The following ARID4A variants were observed in gnomAD, a reference collection of about 807,000 sequenced individuals.
ARID4A encodes AT-rich interaction domain 4A, also known as AT-rich interactive domain-containing protein 4A.
A neutral mutation model predicts 148.6 loss-of-function variants in ARID4A; 39 were observed. The ratio of observed to expected loss-of-function variants is 0.26; its 90% CI spans 0.20 to 0.34. The LOEUF is 0.34. Among genes scored for constraint, ARID4A ranks in the 10% least tolerant of loss-of-function variants. The pLI, the probability that ARID4A is intolerant of heterozygous loss-of-function variation, is 1.00. For missense variants in ARID4A, 1,265 were observed against 1,449.1 expected (o/e 0.87, Z 2.06); for synonymous variants, 475 against 481.2 (o/e 0.99, Z 0.17).
chr14:58,309,478 T>G (rs1405024377), intron 5 of ARID4A, among the ~76,000 whole-genome samples: 1 of 152,212 alleles, frequency 6.6e-6, no homozygotes, highest in Non-Finnish European at 1.5e-5. Flanking sequence ...CAAAAGGTGT[T>G]AAAATTGGGA....
At chr14:58,325,830 A>G (rs894780043) in intron 8 of ARID4A, among the ~76,000 whole-genome samples, 4 of 152,088 alleles carry the variant, frequency 2.6e-5, no homozygotes, top group South Asian at 2.1e-4. Flanking sequence ...TGGATTCAGA[A>G]TATTCAGATT....
chr14:58,330,208 T>C (rs374428067), intron 11 of ARID4A, 39 bp downstream of exon 11: 10 of 1,591,618 alleles, frequency 6.3e-6, no homozygotes, highest in African/African-American at 1.4e-5. Context: ...AACATCTTAA[T>C]ACTCTCTAGT....
chr14:58,301,555 CA>C, intron 2 of ARID4A, 24 bp from the exon 3 acceptor site: 7 of 1,557,830 alleles, frequency 4.5e-6, no homozygotes, highest in Non-Finnish European at 6.2e-6. Context: ...TAATGACATT[CA>C]CAGTTTTATG....
At chr14:58,341,363 T>A (rs1360087257) in intron 11 of ARID4A, among the ~76,000 whole-genome samples, 2 of 152,266 alleles carry the variant, frequency 1.3e-5, no homozygotes, top group Admixed American at 6.5e-5. Context: ...TTTGTCAGTT[T>A]CATGCTTACG....
intron 5 of ARID4A, among the ~76,000 whole-genome samples, chr14:58,310,869 A>G (rs2031975666): frequency 6.6e-6 from 1 of 152,044 alleles, no homozygotes; most frequent in African/African-American, 2.4e-5. Flanking sequence ...ATATTTGCAA[A>G]CTCTGTATTT....
At chr14:58,331,312 A>G (rs2033505204) in intron 11 of ARID4A, 1 of 152,238 alleles carries the variant, frequency 6.6e-6, no homozygotes. Flanking sequence ...GATGCTTTGA[A>G]ATGGGCTGTC....
chr14:58,367,864 C>T (rs1217634186), intron 23 of ARID4A, among the ~76,000 whole-genome samples: 1 of 151,884 alleles, frequency 6.6e-6, no homozygotes, highest in Non-Finnish European at 1.5e-5. Flanking sequence ...CTGTAACTGT[C>T]CCAGCAGATG....
At chr14:58,305,087 G>C (rs898677078) in intron 4 of ARID4A, 78 bp downstream of exon 4, 3 of 1,208,922 alleles carry the variant, frequency 2.5e-6, no homozygotes, top group Admixed American at 5.0e-5. Flanking sequence ...TTTCTACATA[G>C]ACTTAACATT....
chr14:58,363,652 C>T (rs536832317), intron 19 of ARID4A, among the ~76,000 whole-genome samples: 174 of 151,998 alleles, frequency 1.1e-3, no homozygotes, highest in Middle Eastern at 6.8e-3. Flanking sequence ...GCTGAGATCA[C>T]GCCACTGCAC....
At chr14:58,325,179 TC>T (rs2033143168) in intron 8 of ARID4A, among the ~76,000 whole-genome samples, 1 of 152,200 alleles carries the variant, frequency 6.6e-6, no homozygotes, top group Non-Finnish European at 1.5e-5. Flanking sequence ...CTCTTCCTAC[TC>T]CTTTACTTCC....
intron 5 of ARID4A, among the ~76,000 whole-genome samples, chr14:58,314,501 C>T (rs553014062): frequency 6.6e-6 from 1 of 152,336 alleles, no homozygotes; most frequent in South Asian, 2.1e-4. Context: ...TTATAGCTCC[C>T]TGCATCCCTG....
At chr14:58,341,504 T>C (rs1566701011) in intron 11 of ARID4A, among the ~76,000 whole-genome samples, 2 of 152,244 alleles carry the variant, frequency 1.3e-5, no homozygotes, top group African/African-American at 2.4e-5. Context: ...TATTCTTTGA[T>C]GTATTTTACA....
At chr14:58,328,090 A>C in intron 8 of ARID4A, 147 bp from the exon 9 acceptor site, 1 of 627,936 alleles carries the variant, frequency 1.6e-6, no homozygotes, top group Non-Finnish European at 2.8e-6. Context: ...GCAATTCATT[A>C]ATAATAGGAG....
intron 3 of ARID4A, chr14:58,303,548 C>T (rs1366931909): frequency 2.1e-6 from 1 of 470,816 alleles, no homozygotes; most frequent in Non-Finnish European, 4.4e-6. Flanking sequence ...AATTAAGCAC[C>T]ATAAAAGGAG....
intron 17 of ARID4A, among the ~76,000 whole-genome samples, chr14:58,356,728 A>G (rs2034883888): frequency 1.5e-5 from 2 of 136,902 alleles, no homozygotes; most frequent in Non-Finnish European, 3.1e-5. Flanking sequence ...TTTAAGACGG[A>G]GTCTTGCTCT....
chr14:58,302,815 CCAGG>C (rs975710343), intron 3 of ARID4A, among the ~76,000 whole-genome samples: 3 of 151,984 alleles, frequency 2.0e-5, no homozygotes, highest in Non-Finnish European at 2.9e-5. Flanking sequence ...AAAGTATTAG[CCAGG>C]TGTGGTGGCA....
rs547522665 is a variant in ARID4A at position 58,365,584 on chromosome 14, G to A, written c.3278G>A (p.Arg1093Gln). 1.2e-5 allele frequency: 19 copies of A among 1,604,960 alleles called. No individual in the cohort carries two copies. The East Asian group carries it at 2.0e-4, about 17-fold the overall frequency. ...MAKKQKRTPK[R>Q]TSAAAKNEKN... ...AAAAAGCAAAAGCGTACCCCAAAGC[G>A]AACAAGTGCTGCAGCCAAAAATGAA... The change falls in exon 21 of 24, where the codon CGA (arginine) becomes CAA (glutamine). Residue 1093 changes from arginine (R) to glutamine (Q), a missense_variant. By Grantham distance (43) the Arg-to-Gln change is conservative (BLOSUM62 1). Coordinates refer to ENST00000355431, the MANE Select transcript of ARID4A (RefSeq NM_002892.4).
In ARID4A at chr14:58,371,851, T is replaced by G. The variant is rs199739041; in HGVS notation, c.3671-35T>G. On this transcript the variant is annotated intron_variant, in intron 23 of 23. Transcript: ENST00000355431. ...TTAGCTGGGTATCTTTGTGTAACAG[T>G]TTTTGGATCTAACATAGTTGTTTTG... 3.3e-6 allele frequency: 5 copies of G among 1,508,432 alleles called. No individual in the cohort carries two copies. The African/African-American group carries it at 4.1e-5, about 12-fold the overall frequency. 93.4% of individuals were successfully genotyped at this position (1,508,432 alleles called of 1,614,324 possible).
At chr14:58,306,912 G>C (rs1011406401) in intron 5 of ARID4A, among the ~76,000 whole-genome samples, 2 of 152,146 alleles carry the variant, frequency 1.3e-5, no homozygotes, top group Admixed American at 1.3e-4. Context: ...AAATATAGAT[G>C]CTCCTAATAT....
Sources: allele counts gnomAD v4.1 joint callset (sites outside exome capture counted in the v4.1 genomes callset), GRCh38; gene constraint gnomAD v4.1.1; transcripts MANE v1.5; gene names NCBI Gene and HGNC (gene_info 2026-07-23, HGNC 2026-07-21).